PKHD1: variants seen among roughly 807,000 people sequenced by gnomAD.
PKHD1 encodes the protein PKHD1 ciliary IPT domain containing fibrocystin/polyductin.
PKHD1 carries 291 observed loss-of-function variants against 412.0 expected under a neutral mutation model. The observed-to-expected ratio is 0.71, with a 90% CI of 0.64 to 0.78. The LOEUF (loss-of-function observed/expected upper bound fraction) is 0.78. Among genes scored for constraint, PKHD1 ranks in the 30% least tolerant of loss-of-function variants. The pLI, the probability that PKHD1 is intolerant of heterozygous loss-of-function variation, is 0.00. For synonymous variants in PKHD1, 1,777 were observed against 1,821.5 expected (o/e 0.98, Z 0.62); for missense variants, 4,825 against 4,950.7 (o/e 0.97, Z 0.76).
chr6:51,836,536 G>A lies in PKHD1; in HGVS notation c.8108-67C>T, dbSNP rs114998272. The A allele has an allele frequency of 2.2e-4, 246 of 1,128,774 alleles. No homozygotes were observed. In the African/African-American group the frequency reaches 2.9e-3, roughly 13 times the overall value. 69.9% of individuals were successfully genotyped at this position (1,128,774 alleles called of 1,614,324 possible). A position where few individuals can be genotyped will look rare whatever the true frequency, so the allele number is the denominator to read the frequency against. The stretch of plus-strand genomic sequence containing the variant: ...ATCTTAATATTAAAGACAGTCACAC[G>A]TGAGAAAAGAAGAATTTATGCTAAA... On this transcript the variant is annotated intron_variant, in intron 50 of 66. Transcript: ENST00000371117.
intron 60 of PKHD1, among the ~76,000 whole-genome samples, chr6:51,730,213 G>T (rs911687497): frequency 6.6e-6 from 1 of 152,028 alleles, no homozygotes; most frequent in African/African-American, 2.4e-5. Context: ...TCTTTAAGAA[G>T]TTTTAATTCT....
chr6:51,756,283 G>A (rs989818856), intron 55 of PKHD1, among the ~76,000 whole-genome samples: 1 of 152,036 alleles, frequency 6.6e-6, no homozygotes, highest in African/African-American at 2.4e-5. Context: ...GCTTTGAAAG[G>A]CAAGGAAACT....
At chr6:51,746,066 TC>T (rs1431348765) in intron 59 of PKHD1, among the ~76,000 whole-genome samples, 3 of 152,178 alleles carry the variant, frequency 2.0e-5, no homozygotes, top group African/African-American at 7.2e-5. Context: ...AATTCATTCT[TC>T]CTGTTTCTAA....
chr6:51,654,480 A>G (rs1771490982), intron 61 of PKHD1, among the ~76,000 whole-genome samples: 1 of 152,080 alleles, frequency 6.6e-6, no homozygotes, highest in South Asian at 2.1e-4. Flanking sequence ...AGCTTTCAAG[A>G]GTCTATTATA....
intron 36 of PKHD1, among the ~76,000 whole-genome samples, chr6:51,940,631 ATCT>A (rs1788347986): frequency 6.6e-6 from 1 of 151,654 alleles, no homozygotes; most frequent in Non-Finnish European, 1.5e-5. Context: ...TCCTTCCCAG[ATCT>A]TCTTGGATAA....
intron 66 of PKHD1, among the ~76,000 whole-genome samples, chr6:51,624,519 T>C (rs991938251): frequency 1.3e-5 from 2 of 152,174 alleles, no homozygotes; most frequent in Non-Finnish European, 2.9e-5. Flanking sequence ...CCCAAAAAAA[T>C]GTGCATTCAT....
chr6:51,978,549 C>T (rs970601647), intron 35 of PKHD1, among the ~76,000 whole-genome samples: 8 of 152,074 alleles, frequency 5.3e-5, no homozygotes, highest in Non-Finnish European at 7.4e-5. Context: ...GCCATAAAGT[C>T]AACAGAGGAT....
intron 13 of PKHD1, among the ~76,000 whole-genome samples, chr6:52,063,106 G>T (rs942177930): frequency 6.6e-6 from 1 of 152,162 alleles, no homozygotes; most frequent in Non-Finnish European, 1.5e-5. Flanking sequence ...CATAACATTG[G>T]CAATCCTTAA....
intron 46 of PKHD1, among the ~76,000 whole-genome samples, chr6:51,873,493 T>C (rs1776337160): frequency 6.6e-6 from 1 of 152,238 alleles, no homozygotes; most frequent in Non-Finnish European, 1.5e-5. Context: ...GTTCTATTTC[T>C]TGTTCTTAGT....
chr6:51,975,641 A>G (rs553340414), intron 35 of PKHD1: 1 of 148,536 alleles, frequency 6.7e-6, no homozygotes, highest in African/African-American at 2.5e-5. Flanking sequence ...AAAAAAAAAA[A>G]CAAAAAGAAA....
At chr6:51,864,675 C>A (rs978201239) in intron 48 of PKHD1, among the ~76,000 whole-genome samples, 14 of 152,032 alleles carry the variant, frequency 9.2e-5, no homozygotes, top group African/African-American at 3.4e-4. Context: ...AGTAGCCACA[C>A]TAAAAAGCTC....
intron 60 of PKHD1, among the ~76,000 whole-genome samples, chr6:51,728,539 T>C (rs1239214345): frequency 6.6e-6 from 1 of 152,214 alleles, no homozygotes; most frequent in African/African-American, 2.4e-5. Flanking sequence ...CCGGACTCTT[T>C]GGCCGGTTAC....
chr6:51,881,068 T>C (rs2127533606), intron 46 of PKHD1, among the ~76,000 whole-genome samples: 1 of 116,878 alleles, frequency 8.6e-6, no homozygotes, highest in East Asian at 2.8e-4. Flanking sequence ...GAACCCTCTT[T>C]TTCTTTCTTT....
rs765923717 is a variant in PKHD1, at chr6:52,025,812, T to C, written c.3998A>G (p.Asn1333Ser). ...NLSNSVILLG[N>S]LNCDVETQSF... ...CTGTGTCTCAACATCACAGTTCAGG[T>C]TCCCCAGAAGGATGACTGAGTTGGA... The change falls in exon 32 of 67, where the codon AAC becomes AGC. Residue 1333 changes from asparagine (N) to serine (S), a missense_variant. Coordinates refer to ENST00000371117, the MANE Select transcript of PKHD1 (RefSeq NM_138694.4). 6.2e-7 allele frequency: 1 copy of C among 1,614,064 alleles called. No individual in the cohort carries two copies. The highest frequency in any genetic ancestry group is 1.3e-5 in the African/African-American group (1 of 74,910).
intron 52 of PKHD1, among the ~76,000 whole-genome samples, chr6:51,814,266 G>A (rs1765122317): frequency 6.6e-6 from 1 of 152,244 alleles, no homozygotes; most frequent in African/African-American, 2.4e-5. Flanking sequence ...TAGGAGCCAA[G>A]AAGAGTTACT....
chr6:51,847,652 C>T, intron 50 of PKHD1, 123 bp downstream of exon 50: 2 of 781,092 alleles, frequency 2.6e-6, no homozygotes, highest in East Asian at 5.1e-5. Context: ...ATTCACTCAA[C>T]CATAACACAC....
intron 37 of PKHD1, among the ~76,000 whole-genome samples, chr6:51,924,299 T>G (rs1026175080): frequency 1.3e-5 from 2 of 152,088 alleles, no homozygotes; most frequent in Non-Finnish European, 2.9e-5. Context: ...AAAATGAAAA[T>G]CTACACCACA....
In PKHD1 at chr6:51,632,606, C is replaced by T. The variant is rs1275354858; in HGVS notation, c.11624G>A (p.Ser3875Asn). Reference protein sequence around the residue: ...LSSVASWLALSCLVCCWLKRS... With the variant: ...LSSVASWLALNCLVCCWLKRS... ...TTTAAGCCAACAGCACACCAGACAG[C>T]TCAGAGCCAGCCATGAGGCCACAGA... The change falls in exon 65 of 67, where the codon AGC becomes AAC. Residue 3875 changes from serine (S) to asparagine (N), a missense_variant. Coordinates refer to ENST00000371117, the MANE Select transcript of PKHD1 (RefSeq NM_138694.4). 1 of 1,613,448 alleles carries T rather than the reference C, an allele frequency of 6.2e-7. No individual in the cohort carries two copies. Among genetic ancestry groups the T allele is most frequent in the Non-Finnish European group, 8.5e-7 (1 of 1,179,664 alleles).
intron 60 of PKHD1, among the ~76,000 whole-genome samples, chr6:51,700,664 T>G (rs1404951171): frequency 6.6e-6 from 1 of 152,102 alleles, no homozygotes; most frequent in African/African-American, 2.4e-5. Flanking sequence ...AACTTGTGAT[T>G]CGCCAAGGAA....
Sources: gnomAD v4.1 joint callset for allele counts (sites outside exome capture counted in the v4.1 genomes callset) on GRCh38, gnomAD v4.1.1 for gene constraint, MANE v1.5 for transcripts, NCBI Gene and HGNC (gene_info 2026-07-23, HGNC 2026-07-21) for gene names.